STYK1: variants seen among roughly 807,000 people sequenced by gnomAD.
The protein encoded by STYK1 is STY kinase 1.
Under a neutral mutation model 48.1 loss-of-function variants are expected in STYK1, and 46 were observed. The ratio of observed to expected loss-of-function variants is 0.96; its 90% CI spans 0.75 to 1.22. STYK1 has a LOEUF of 1.22. Among genes scored for constraint, STYK1 ranks in the 50% most tolerant of loss-of-function variants. STYK1 has a pLI of 0.00. For missense variants in STYK1, 527 were observed against 521.1 expected (o/e 1.01, Z -0.11); for synonymous variants, 188 against 189.0 (o/e 0.99, Z 0.04).
chr12:10,622,338 C>G (rs1268578719), intron 9 of STYK1, among the ~76,000 whole-genome samples: 1 of 152,066 alleles, frequency 6.6e-6, no homozygotes, highest in African/African-American at 2.4e-5. Flanking sequence ...TGCAAGACCA[C>G]TCTGGGAATT....
chr12:10,658,963 C>T (rs1402944978), intron 1 of STYK1, among the ~76,000 whole-genome samples: 2 of 152,212 alleles, frequency 1.3e-5, no homozygotes, highest in East Asian at 3.9e-4. Context: ...TTGTTTTGAT[C>T]CTCTTTTAAA....
chr12:10,639,868 A>G (rs1473312718), intron 1 of STYK1, among the ~76,000 whole-genome samples: 1 of 152,250 alleles, frequency 6.6e-6, no homozygotes, highest in South Asian at 2.1e-4. Context: ...ATTACATTGG[A>G]ATCCAAAAGA....
chr12:10,639,077 A>T (rs929679453), intron 1 of STYK1, among the ~76,000 whole-genome samples: 1 of 152,186 alleles, frequency 6.6e-6, no homozygotes, highest in African/African-American at 2.4e-5. Context: ...AGCCTGAAAC[A>T]GTCTGCCTTC....
rs934746927 is a variant in STYK1, at chr12:10,620,053, T to TTG, written c.*89_*90dup. 139 of 1,413,966 alleles carry TTG rather than the reference T, an allele frequency of 9.8e-5. No individual in the cohort carries two copies. The highest frequency in any genetic ancestry group is 1.3e-4 in the Non-Finnish European group (135 of 1,009,120). 87.6% of individuals were successfully genotyped at this position (1,413,966 alleles called of 1,614,324 possible). A position where few individuals can be genotyped will look rare whatever the true frequency, so the allele number is the denominator to read the frequency against. On this transcript the variant is annotated 3_prime_UTR_variant, in exon 11 of 11. Coordinates refer to ENST00000075503, the MANE Select transcript of STYK1 (RefSeq NM_018423.3). ...AAGAATCCATGTCCCATTTCTCCCT[T>TTG]TGTGTCCCTGGGAAAGACCATTCTC...
Position 10,631,237 on chromosome 12 carries a change from G to C in STYK1, c.259C>G (p.Leu87Val). 6.2e-7 allele frequency: 1 copy of C among 1,614,222 alleles called. No individual in the cohort carries two copies. The highest frequency in any genetic ancestry group is 1.7e-5 in the Admixed American group (1 of 60,030). ...AAGTTTTCCACGGATGTCTCCTTAA[G>C]TGGCAAAGCCACATTTCCTCCATGT... ...AGHGGNVALP[L>V]KETSVENFLG... The change falls in exon 5 of 11, where the codon CTT (leucine) becomes GTT (valine). Residue 87 changes from leucine to valine, a missense_variant. Transcript: ENST00000075503.
intron 2 of STYK1, among the ~76,000 whole-genome samples, chr12:10,636,856 C>T (rs571107416): frequency 4.6e-5 from 7 of 152,242 alleles, no homozygotes; most frequent in Middle Eastern, 3.4e-3. Flanking sequence ...CTCATGAGCT[C>T]GGCCCAGAAA....
chr12:10,666,058 T>C (rs1250000874), intron 1 of STYK1, among the ~76,000 whole-genome samples: 1 of 152,216 alleles, frequency 6.6e-6, no homozygotes, highest in African/African-American at 2.4e-5. Context: ...ACTAAACAAG[T>C]CCTTTCTTGC....
In STYK1 at chr12:10,624,801, A is replaced by G. The variant is rs1255367507; in HGVS notation, c.776T>C (p.Met259Thr). 6.2e-7 allele frequency: 1 copy of G among 1,614,178 alleles called. No individual in the cohort carries two copies. The highest frequency in any genetic ancestry group is 8.5e-7 in the Non-Finnish European group (1 of 1,180,030). ...GAGCTTAGCAGTGAGATCACTTTGC[A>G]TCAGAATATTCCTGGCTGCCACATC... ...HGDVAARNIL[M>T]QSDLTAKLCG... is the part of the protein sequence containing the mutation. Residue 259 changes from methionine to threonine, a missense_variant, in exon 8 of 11, where the codon ATG becomes ACG. Physicochemically the swap from Met to Thr is moderately conservative, Grantham distance 81 (BLOSUM62 -1). Transcript: ENST00000075503.
intron 1 of STYK1, among the ~76,000 whole-genome samples, chr12:10,650,148 A>AAAAAAC (rs1947646584): frequency 1.4e-5 from 2 of 140,280 alleles, no homozygotes; most frequent in Non-Finnish European, 3.1e-5. Flanking sequence ...AAAAAAAAAA[A>AAAAAAC]TCTTGAGTTT....
intron 1 of STYK1, among the ~76,000 whole-genome samples, chr12:10,663,427 G>A (rs1947798681): frequency 1.3e-5 from 2 of 151,720 alleles, no homozygotes; most frequent in Non-Finnish European, 1.5e-5. Flanking sequence ...AGTGAAACCC[G>A]TCTCTACTAA....
At chr12:10,652,385 A>C (rs7297390) in intron 1 of STYK1, among the ~76,000 whole-genome samples, 83,458 of 151,702 alleles carry the variant, frequency 0.55, 23,637 homozygotes, top group East Asian at 0.79. Context: ...GGGTCATAGA[A>C]TTGCGCAATG....
intron 7 of STYK1, 116 bp downstream of exon 7, chr12:10,627,525 T>C (rs2120619677): frequency 1.1e-6 from 1 of 916,728 alleles, no homozygotes; most frequent in South Asian, 1.9e-5. Context: ...AACTTCTATC[T>C]AATTTTCTTT....
At chr12:10,642,881 G>T (rs1947560383) in intron 1 of STYK1, among the ~76,000 whole-genome samples, 1 of 152,082 alleles carries the variant, frequency 6.6e-6, no homozygotes, top group African/African-American at 2.4e-5. Context: ...TATTCATCAG[G>T]GAAAATATAT....
intron 1 of STYK1, among the ~76,000 whole-genome samples, chr12:10,670,551 G>A (rs1243654066): frequency 1.3e-5 from 2 of 152,012 alleles, no homozygotes. Flanking sequence ...AGAATAGAAA[G>A]ATGGTTACCA....
intron 7 of STYK1, among the ~76,000 whole-genome samples, chr12:10,626,005 A>C (rs1947354813): frequency 6.6e-6 from 1 of 152,218 alleles, no homozygotes; most frequent in Admixed American, 6.5e-5. Flanking sequence ...AAAACTATAC[A>C]TGACTGAAGA....
chr12:10,643,971 G>GAA (rs36021112), intron 1 of STYK1, among the ~76,000 whole-genome samples: 662 of 151,100 alleles, frequency 4.4e-3, no homozygotes, highest in Non-Finnish European at 5.3e-3. Flanking sequence ...TTGTATTTTA[G>GAA]AAAAAAAAAA....
chr12:10,649,390 T>G (rs1947635179), intron 1 of STYK1, among the ~76,000 whole-genome samples: 1 of 152,340 alleles, frequency 6.6e-6, no homozygotes, highest in African/African-American at 2.4e-5. Context: ...CATGGAATAC[T>G]ACACATTTAT....
Position 10,631,274 on chromosome 12 carries a change from G to A in STYK1, c.222C>T (p.Ser74=). Residue 74 remains serine, a synonymous_variant, in exon 5 of 11, where the codon AGC becomes AGT. Coordinates refer to ENST00000075503, the MANE Select transcript of STYK1 (RefSeq NM_018423.3). ...IAPVPPPRDL[S]WEAGHGGNVA... is the part of the protein sequence containing the mutation. ...CATTTCCTCCATGTCCTGCTTCCCA[G>A]CTTAGGTCCCTAGGTGGAGGAACAG... 1 of 1,614,176 alleles carries A rather than the reference G, an allele frequency of 6.2e-7. No homozygotes were observed. Among genetic ancestry groups the A allele is most frequent in the Non-Finnish European group, 8.5e-7 (1 of 1,180,028 alleles).
chr12:10,660,361 T>C (rs1189604398), intron 1 of STYK1, among the ~76,000 whole-genome samples: 1 of 152,150 alleles, frequency 6.6e-6, no homozygotes, highest in Non-Finnish European at 1.5e-5. Flanking sequence ...CACTAATAGT[T>C]AGGTATCAAT....
Sources: gnomAD v4.1 joint callset for allele counts (sites outside exome capture counted in the v4.1 genomes callset) on GRCh38, gnomAD v4.1.1 for gene constraint, MANE v1.5 for transcripts, NCBI Gene and HGNC (gene_info 2026-07-23, HGNC 2026-07-21) for gene names.